Variants in NBEA observed in about 807,000 individuals in gnomAD.
NBEA encodes neurobeachin, also known as lysosomal-trafficking regulator 2.
In NBEA, 44 loss-of-function variants were observed where a neutral mutation model predicts 343.4. The ratio of observed to expected loss-of-function variants is 0.13; its 90% CI spans 0.10 to 0.16. The LOEUF (loss-of-function observed/expected upper bound fraction) is 0.16, where lower values mean the gene tolerates loss of function less well. Among genes scored for constraint, NBEA ranks in the 10% least tolerant of loss-of-function variants. The pLI is 1.00. For missense variants in NBEA, 2,555 were observed against 3,631.3 expected (o/e 0.70, Z 7.62); for synonymous variants, 1,175 against 1,238.7 (o/e 0.95, Z 1.08).
At chr13:35,630,440 A>G (rs1347063420) in intron 49 of NBEA, among the ~76,000 whole-genome samples, 1 of 152,220 alleles carries the variant, frequency 6.6e-6, no homozygotes, top group East Asian at 1.9e-4. Flanking sequence ...TGATTCAAGC[A>G]TATGTTGGCA....
Position 35,607,440 on chromosome 13 carries a change from G to A in NBEA, c.7449+862G>A, listed in dbSNP as rs116551697. Among the ~76,000 whole-genome samples the A allele has an allele frequency of 2.4e-3, 367 of 152,230 alleles. 1 individual carries two copies. The highest frequency in any genetic ancestry group is 8.4e-3 in the African/African-American group (350 of 41,546). On this transcript the variant is annotated intron_variant, in intron 48 of 58. Transcript: ENST00000379939. ...TTTAATACATTTCACACATATTTAA[G>A]GAGATTTTAATCCCAACATGGTTAT... is the stretch of plus-strand genomic sequence containing the variant.
intron 10 of NBEA, among the ~76,000 whole-genome samples, chr13:35,076,053 T>C (rs1593262485): frequency 1.3e-5 from 2 of 151,978 alleles, no homozygotes; most frequent in Non-Finnish European, 2.9e-5. Context: ...AATTAGTACC[T>C]GTTTATAATA....
At chr13:35,415,160 A>G (rs888710445) in intron 38 of NBEA, among the ~76,000 whole-genome samples, 1 of 152,200 alleles carries the variant, frequency 6.6e-6, no homozygotes, top group Admixed American at 6.5e-5. Flanking sequence ...TAGATTGCAG[A>G]AATTTTCTCC....
At chr13:35,364,316 T>C (rs1285255271) in intron 38 of NBEA, among the ~76,000 whole-genome samples, 1 of 151,866 alleles carries the variant, frequency 6.6e-6, no homozygotes, top group Non-Finnish European at 1.5e-5. Context: ...TTCCAAGCAC[T>C]GAAAATAGTT....
intron 48 of NBEA, among the ~76,000 whole-genome samples, chr13:35,625,247 A>G (rs1405169453): frequency 6.6e-6 from 1 of 152,248 alleles, no homozygotes; most frequent in Admixed American, 6.5e-5. Context: ...AAGAACATGG[A>G]TAAAGTTAAT....
chr13:35,215,314 T>G (rs930474166), intron 33 of NBEA, among the ~76,000 whole-genome samples: 1 of 151,712 alleles, frequency 6.6e-6, no homozygotes, highest in Non-Finnish European at 1.5e-5. Context: ...CAGCAACTTA[T>G]TGTAGTTTTC....
intron 36 of NBEA, among the ~76,000 whole-genome samples, chr13:35,331,075 T>C (rs2038899515): frequency 6.6e-6 from 1 of 152,104 alleles, no homozygotes; most frequent in Non-Finnish European, 1.5e-5. Flanking sequence ...TGGAGCTTCA[T>C]AACTAAATAG....
chr13:35,594,993 A>T (rs1296133020), intron 47 of NBEA, among the ~76,000 whole-genome samples: 1 of 140,348 alleles, frequency 7.1e-6, no homozygotes, highest in Non-Finnish European at 1.5e-5. Flanking sequence ...ACACACACAA[A>T]TTGGCTTTTC....
intron 5 of NBEA, among the ~76,000 whole-genome samples, chr13:35,049,502 G>A (rs2062988906): frequency 6.6e-6 from 1 of 151,748 alleles, no homozygotes. Flanking sequence ...GGTCAGAAAT[G>A]TGAACACAGA....
intron 39 of NBEA, among the ~76,000 whole-genome samples, chr13:35,449,330 C>A (rs531440287): frequency 6.6e-6 from 1 of 152,338 alleles, no homozygotes; most frequent in South Asian, 2.1e-4. Context: ...GCTGTTGACA[C>A]CCTCTAGACC....
chr13:35,533,713 A>G (rs577361154), intron 41 of NBEA, among the ~76,000 whole-genome samples: 11 of 152,316 alleles, frequency 7.2e-5, no homozygotes, highest in African/African-American at 2.2e-4. Context: ...CATCCTTTAT[A>G]AATTAGTTAG....
chr13:35,641,049 T>C (rs1313347566), intron 49 of NBEA, among the ~76,000 whole-genome samples: 1 of 152,126 alleles, frequency 6.6e-6, no homozygotes, highest in African/African-American at 2.4e-5. Flanking sequence ...TTTAACTTAA[T>C]TTTCATTTCT....
chr13:35,137,796 A>G (rs539443276), intron 17 of NBEA, among the ~76,000 whole-genome samples: 3 of 152,286 alleles, frequency 2.0e-5, no homozygotes, highest in African/African-American at 7.2e-5. Flanking sequence ...AACCAATTAA[A>G]TAATTATGAA....
At chr13:35,214,958 A>C (rs752306656) in intron 33 of NBEA, among the ~76,000 whole-genome samples, 1 of 151,672 alleles carries the variant, frequency 6.6e-6, no homozygotes, top group Non-Finnish European at 1.5e-5. Context: ...ATTGATTTAA[A>C]ATCAATTGAC....
At chr13:35,579,820 T>G (rs2080926570) in intron 45 of NBEA, among the ~76,000 whole-genome samples, 1 of 152,108 alleles carries the variant, frequency 6.6e-6, no homozygotes, top group South Asian at 2.1e-4. Flanking sequence ...AAACCAAGCT[T>G]TTTGTGGCAC....
intron 44 of NBEA, among the ~76,000 whole-genome samples, chr13:35,558,785 A>G (rs2153019985): frequency 6.6e-6 from 1 of 152,330 alleles, no homozygotes; most frequent in South Asian, 2.1e-4. Context: ...TATCAGGGCA[A>G]GATTTGCATA....
intron 45 of NBEA, among the ~76,000 whole-genome samples, chr13:35,583,079 C>T (rs2081130336): frequency 1.3e-5 from 2 of 152,152 alleles, no homozygotes; most frequent in South Asian, 4.1e-4. Flanking sequence ...AGCACGGACT[C>T]TGTATACCAT....
chr13:35,580,529 GTAAT>G (rs1312972401), intron 45 of NBEA, among the ~76,000 whole-genome samples: 1 of 152,166 alleles, frequency 6.6e-6, no homozygotes, highest in Non-Finnish European at 1.5e-5. Context: ...AGGTAAGTAG[GTAAT>G]TGATTGATAG....
chr13:35,652,095 G>T (rs896927100), intron 53 of NBEA, among the ~76,000 whole-genome samples: 2 of 152,066 alleles, frequency 1.3e-5, no homozygotes, highest in South Asian at 2.1e-4. Flanking sequence ...GGTCATTTAA[G>T]TTGGTTATAA....
Sources: allele counts gnomAD v4.1 joint callset (sites outside exome capture counted in the v4.1 genomes callset), GRCh38; gene constraint gnomAD v4.1.1; transcripts MANE v1.5; gene names NCBI Gene and HGNC (gene_info 2026-07-23, HGNC 2026-07-21).